The following LPIN2 variants were observed in gnomAD, a reference collection of about 807,000 sequenced individuals.
LPIN2 encodes lipin 2.
LPIN2 carries 55 observed loss-of-function variants against 111.4 expected under a neutral mutation model. The ratio of observed to expected loss-of-function variants is 0.49; its 90% CI spans 0.40 to 0.62. LPIN2 has a LOEUF of 0.62. LPIN2 is among the 20% of genes least tolerant of loss of function. The pLI, the probability that LPIN2 is intolerant of heterozygous loss-of-function variation, is 0.00. For synonymous variants in LPIN2, 425 were observed against 414.0 expected (o/e 1.03, Z -0.32); for missense variants, 992 against 1,112.1 (o/e 0.89, Z 1.54).
chr18:2,978,461 C>T (rs976355974), intron 1 of LPIN2, among the ~76,000 whole-genome samples: 2 of 152,128 alleles, frequency 1.3e-5, no homozygotes, highest in Non-Finnish European at 2.9e-5. Context: ...TATGAGACAA[C>T]ATCAGACAAA....
chr18:2,982,714 C>T, intron 1 of LPIN2: 1 of 1,303,882 alleles, frequency 7.7e-7, no homozygotes. Context: ...TTGAGTTTTA[C>T]TTAATGAGCC....
chr18:2,973,485 C>T (rs1790984), intron 1 of LPIN2, among the ~76,000 whole-genome samples: 136,891 of 152,258 alleles, frequency 0.9, 62,769 homozygotes, highest in East Asian at 1. Flanking sequence ...GCACAGTCCA[C>T]GTGACATTAA....
intron 1 of LPIN2, among the ~76,000 whole-genome samples, chr18:3,012,742 C>T (rs1180730665): frequency 6.6e-6 from 1 of 152,126 alleles, no homozygotes; most frequent in Admixed American, 6.5e-5. Context: ...GGTAACCATC[C>T]CCAGGGCGGC....
chr18:2,952,310 C>G (rs1250572368), intron 3 of LPIN2, among the ~76,000 whole-genome samples: 2 of 152,114 alleles, frequency 1.3e-5, no homozygotes, highest in African/African-American at 4.8e-5. Flanking sequence ...CCTGTAATCC[C>G]AGCTACTCAG....
intron 1 of LPIN2, among the ~76,000 whole-genome samples, chr18:2,961,814 C>T (rs2077718546): frequency 6.6e-6 from 1 of 152,168 alleles, no homozygotes; most frequent in South Asian, 2.1e-4. Context: ...ATTCTGGGGA[C>T]TGGAATGACA....
chr18:2,967,197 C>T (rs1430372211), intron 1 of LPIN2, among the ~76,000 whole-genome samples: 1 of 152,112 alleles, frequency 6.6e-6, no homozygotes, highest in Non-Finnish European at 1.5e-5. Context: ...TTCACTAGAA[C>T]CCAGTTCTAC....
At position 2,939,732 on chromosome 18, in the gene LPIN2, A is replaced by T. The variant is rs1399785064; in HGVS notation, c.699-129T>A. ...TCCTGCATATATAAAAACTCTATGG[A>T]AGGGAGCATCAATTATTTCTTCCAC... is the stretch of plus-strand genomic sequence containing the variant. On this transcript the variant is annotated intron_variant, in intron 5 of 19. Transcript: ENST00000677752. 2.1e-5 allele frequency: 19 copies of T among 920,396 alleles called. No homozygotes were observed. The East Asian group carries it at 4.3e-4, about 21-fold the overall frequency. 57.0% of individuals were successfully genotyped at this position (920,396 alleles called of 1,614,324 possible). A position where few individuals can be genotyped will look rare whatever the true frequency, so the allele number is the denominator to read the frequency against.
chr18:3,000,802 T>C (rs758399306), intron 1 of LPIN2, among the ~76,000 whole-genome samples: 1 of 152,084 alleles, frequency 6.6e-6, no homozygotes, highest in Non-Finnish European at 1.5e-5. Flanking sequence ...GTAAGGTGGG[T>C]ACTTCCCGTG....
At chr18:2,926,558 T>C (rs1335935052) in intron 13 of LPIN2, among the ~76,000 whole-genome samples, 165 bp downstream of exon 13, 1 of 151,086 alleles carries the variant, frequency 6.6e-6, no homozygotes, top group East Asian at 2.0e-4. Flanking sequence ...TGATGTTTTT[T>C]AGAAAAGCAG....
At chr18:2,978,238 G>C (rs570310493) in intron 1 of LPIN2, among the ~76,000 whole-genome samples, 2 of 151,736 alleles carry the variant, frequency 1.3e-5, no homozygotes, top group Non-Finnish European at 2.9e-5. Context: ...AGATAAACAA[G>C]ATGTCTGGAT....
At chr18:2,995,240 G>T (rs2078323825) in intron 1 of LPIN2, among the ~76,000 whole-genome samples, 2 of 152,186 alleles carry the variant, frequency 1.3e-5, no homozygotes, top group South Asian at 4.1e-4. Context: ...GTTAGGATAG[G>T]ATTCTAGCCA....
chr18:2,940,574 C>G lies in LPIN2; in HGVS notation c.698+31G>C, dbSNP rs371003164. ...TAATTAATACATCTCCTTCCTCTTTCAAGAAACCAAGAAATTTCAAAGATA... is the reference window on the plus strand; with the variant it reads ...TAATTAATACATCTCCTTCCTCTTTGAAGAAACCAAGAAATTTCAAAGATA... On this transcript the variant is annotated intron_variant, in intron 5 of 19. Transcript: ENST00000677752. 79 of 1,408,742 alleles carry G rather than the reference C, an allele frequency of 5.6e-5. No individual in the cohort carries two copies. In the African/African-American group the frequency reaches 1.0e-3, roughly 19 times the overall value. 87.3% of individuals were successfully genotyped at this position (1,408,742 alleles called of 1,614,324 possible).
intron 1 of LPIN2, among the ~76,000 whole-genome samples, chr18:2,981,700 C>T (rs1448079377): frequency 6.6e-6 from 1 of 152,188 alleles, no homozygotes; most frequent in Non-Finnish European, 1.5e-5. Flanking sequence ...CCTGACTCTT[C>T]CATTCATATT....
chr18:2,990,858 A>C (rs750320845), intron 1 of LPIN2: 15 of 463,384 alleles, frequency 3.2e-5, no homozygotes, highest in Non-Finnish European at 5.1e-5. Context: ...GGCAGGGACA[A>C]TGATACTACC....
chr18:3,001,753 C>A (rs367962794), intron 1 of LPIN2, among the ~76,000 whole-genome samples: 1 of 151,994 alleles, frequency 6.6e-6, no homozygotes, highest in South Asian at 2.1e-4. Context: ...TCATAATAAA[C>A]CTCACAGTAC....
At chr18:2,943,867 C>G (rs2077403826) in intron 4 of LPIN2, among the ~76,000 whole-genome samples, 1 of 152,114 alleles carries the variant, frequency 6.6e-6, no homozygotes, top group South Asian at 2.1e-4. Flanking sequence ...ATTATATTAA[C>G]TACAACTAAG....
intron 1 of LPIN2, among the ~76,000 whole-genome samples, chr18:2,998,880 T>C (rs1336296910): frequency 1.3e-5 from 2 of 152,200 alleles, no homozygotes; most frequent in African/African-American, 2.4e-5. Context: ...TTCAAATGAC[T>C]TTAGAAACAA....
At chr18:2,964,314 G>A (rs1001164074) in intron 1 of LPIN2, among the ~76,000 whole-genome samples, 1 of 149,104 alleles carries the variant, frequency 6.7e-6, no homozygotes, top group Non-Finnish European at 1.5e-5. Context: ...AAGAAATGAG[G>A]GTTAGAAAAG....
rs567658222 is a variant in LPIN2, at chr18:2,948,900, G to A, written c.590+2155C>T. 4.0e-5 allele frequency among the ~76,000 whole-genome samples: 6 copies of A among 151,138 alleles called. No homozygotes were observed. The East Asian group carries it at 7.8e-4, about 20-fold the overall frequency. ...GTGATCTTGGCTCACTGTAACCTCC[G>A]CCTCCCAGGTTCAAGTGATTCTCCT... is the stretch of plus-strand genomic sequence containing the variant. On this transcript the variant is annotated intron_variant, in intron 4 of 19. Transcript: ENST00000677752.
Sources: allele counts gnomAD v4.1 joint callset (sites outside exome capture counted in the v4.1 genomes callset), GRCh38; gene constraint gnomAD v4.1.1; transcripts MANE v1.5; gene names NCBI Gene and HGNC (gene_info 2026-07-23, HGNC 2026-07-21).